SMARCC2: variants seen among roughly 807,000 people sequenced by gnomAD.
SMARCC2 encodes SWI/SNF complex subunit SMARCC2.
A neutral mutation model predicts 151.3 loss-of-function variants in SMARCC2; 15 were observed. That is an observed-to-expected ratio of 0.10 (90% CI 0.07 to 0.15). The LOEUF (loss-of-function observed/expected upper bound fraction) is 0.15. Ranked by LOEUF, SMARCC2 falls within the 10% of genes least tolerant of loss-of-function variation. The pLI is 1.00. For synonymous variants in SMARCC2, 590 were observed against 609.5 expected, an observed-to-expected ratio of 0.97 and a Z score of 0.47; for missense variants, 1,031 against 1,599.7, an observed-to-expected ratio of 0.64 and a Z score of 6.06.
At chr12:56,183,778 A>T (rs1876709135) in intron 7 of SMARCC2, 83 bp downstream of exon 7, 3 of 838,398 alleles carry the variant, frequency 3.6e-6, no homozygotes, top group African/African-American at 3.4e-5. Flanking sequence ...ACTCTGAAAG[A>T]GTGGCCTCTT....
chr12:56,186,698 G>A lies in SMARCC2; in HGVS notation c.232-458C>T, dbSNP rs573841154. The A allele has an allele frequency of 1.9e-4, 36 of 188,454 alleles. No individual in the cohort carries two copies. In the East Asian group the frequency reaches 5.0e-3, roughly 26 times the overall value. The allele number at this position is 188,454 out of a possible 1,614,324, so 11.7% of individuals were successfully genotyped here. A position where few individuals can be genotyped will look rare whatever the true frequency, so the allele number is the denominator to read the frequency against. ...TTGTGCCATTGCATCATGTGGCCTG[G>A]AAGAGGGGAGTGAAAGAAACCAACA... On this transcript the variant is annotated intron_variant, in intron 2 of 28. Coordinates refer to ENST00000550164, the MANE Select transcript of SMARCC2 (RefSeq NM_001330288.2).
At position 56,170,226 on chromosome 12, in the gene SMARCC2, G is replaced by T; in HGVS notation, c.2348-18C>A. The T allele has an allele frequency of 6.2e-7, 1 of 1,607,900 alleles. No individual in the cohort carries two copies. On this transcript the variant is annotated intron_variant, in intron 22 of 28. Coordinates refer to ENST00000550164, the MANE Select transcript of SMARCC2 (RefSeq NM_001330288.2). The stretch of plus-strand genomic sequence containing the variant: ...GCTCTCCTCTGGGCCCATGAGAAAA[G>T]AAAGAAAACAGGAAATGTTTAATAC...
At chr12:56,186,284 TAA>T (rs769156710) in intron 2 of SMARCC2, 44 bp from the exon 3 acceptor site, 2 of 1,183,184 alleles carry the variant, frequency 1.7e-6, no homozygotes, top group Non-Finnish European at 2.5e-6. Context: ...GGTTCCACTG[TAA>T]ATTCTCTCAT....
At chr12:56,186,649 C>T (rs1336895160) in intron 2 of SMARCC2, 1 of 208,856 alleles carries the variant, frequency 4.8e-6, no homozygotes, top group Non-Finnish European at 9.8e-6. Flanking sequence ...CACGCCCGGC[C>T]TCAAAGCTGA....
intron 6 of SMARCC2, 101 bp from the exon 7 acceptor site, chr12:56,184,031 G>A: frequency 9.4e-7 from 1 of 1,069,138 alleles, no homozygotes; most frequent in Non-Finnish European, 1.4e-6. Flanking sequence ...GTTGTAGCAG[G>A]GGACTTGGTA....
chr12:56,172,931 A>C lies in SMARCC2; in HGVS notation c.1743+6T>G. ...AGCAGCCCAGCAGGGTCTGCACCCC[A>C]CCTACCAGCTCTGGCTTGCCCTTAG... On this transcript the variant is annotated splice_donor_region_variant and intron_variant, in intron 18 of 28. Coordinates refer to ENST00000550164, the MANE Select transcript of SMARCC2 (RefSeq NM_001330288.2). The C allele has an allele frequency of 1.9e-6, 3 of 1,612,718 alleles. No individual in the cohort carries two copies. Among genetic ancestry groups the C allele is most frequent in the Non-Finnish European group, 2.5e-6 (3 of 1,179,896 alleles).
At chr12:56,186,975 A>C (rs1246500145) in intron 2 of SMARCC2, 3 of 469,752 alleles carry the variant, frequency 6.4e-6, no homozygotes, top group Non-Finnish European at 1.2e-5. Flanking sequence ...ACTCTGAAAT[A>C]ATTTGTTGCA....
rs1873875374 is a variant in SMARCC2, at chr12:56,171,134, TGGGGAAAA to T, written c.2347+129_2347+136del. 8.8e-6 allele frequency: 7 copies of T among 792,780 alleles called. No individual in the cohort carries two copies. The East Asian group carries it at 1.8e-4, about 21-fold the overall frequency. The allele number at this position is 792,780 out of a possible 1,614,324, so 49.1% of individuals were successfully genotyped here. A position where few individuals can be genotyped will look rare whatever the true frequency, so the allele number is the denominator to read the frequency against. ...CTCCAGAGCCCCTGAGGTAAACTCATGGGGAAAATAAAAACCCTACCAATGTTCTCATT... is the reference window on the plus strand; with the variant it reads ...CTCCAGAGCCCCTGAGGTAAACTCATTAAAAACCCTACCAATGTTCTCATT... On this transcript the variant is annotated intron_variant, in intron 22 of 28. Coordinates refer to ENST00000550164, the MANE Select transcript of SMARCC2 (RefSeq NM_001330288.2). The surrounding 1 kb of genome is among the most constrained non-coding windows in gnomAD (Gnocchi z 4.2).
intron 15 of SMARCC2, among the ~76,000 whole-genome samples, chr12:56,176,389 A>AC (rs770505163): frequency 1.3e-5 from 2 of 152,194 alleles, no homozygotes; most frequent in African/African-American, 2.4e-5. Context: ...AGTCTCACCC[A>AC]CCTCATCAAT....
chr12:56,184,153 G>A, intron 6 of SMARCC2, 22 bp downstream of exon 6: 4 of 1,589,032 alleles, frequency 2.5e-6, no homozygotes, highest in Non-Finnish European at 3.5e-6. Flanking sequence ...CACTCAAGTG[G>A]ACAGGAAAAC....
Position 56,187,737 on chromosome 12 carries a change from TA to T in SMARCC2, c.112-432del, listed in dbSNP as rs1376863782. Among the ~76,000 whole-genome samples the T allele has an allele frequency of 6.6e-5, 10 of 152,262 alleles. No individual in the cohort carries two copies. In the East Asian group the frequency reaches 1.7e-3, roughly 26 times the overall value. ...CTCTGTAAAGCCATGATTCCCCCTA[TA>T]ATGTAGCCTAACAAGAAAAGGTACA... On this transcript the variant is annotated intron_variant, in intron 1 of 28. Transcript: ENST00000550164.
At chr12:56,173,917 T>TG (rs754041576) in intron 16 of SMARCC2, 68 bp from the exon 17 acceptor site, 551 of 1,480,684 alleles carry the variant, frequency 3.7e-4, no homozygotes, top group Middle Eastern at 7.1e-4. Flanking sequence ...AGAGGAAAAG[T>TG]GGGGGGTAGA....
intron 11 of SMARCC2, among the ~76,000 whole-genome samples, chr12:56,179,336 A>T (rs1393450447): frequency 6.6e-6 from 1 of 152,192 alleles, no homozygotes; most frequent in Non-Finnish European, 1.5e-5. Flanking sequence ...TAAGCTTTTA[A>T]TGGTCTGATA....
rs748058395 is a variant in SMARCC2, at chr12:56,168,207, G to C, written c.2716-13C>G. The C allele has an allele frequency of 6.2e-7, 1 of 1,613,968 alleles. No individual in the cohort carries two copies. The highest frequency in any genetic ancestry group is 1.1e-5 in the South Asian group (1 of 91,072). On this transcript the variant is annotated splice_polypyrimidine_tract_variant and intron_variant, in intron 25 of 28. Transcript: ENST00000550164. ...CAGCAGCCAAGTGCTAGGGAAGGAG[G>C]GGCGAGACAGCACATCAGTGGGAGG...
chr12:56,172,889 C>A (rs1253465059), intron 18 of SMARCC2, 48 bp downstream of exon 18: 1 of 1,599,562 alleles, frequency 6.3e-7, no homozygotes, highest in Non-Finnish European at 8.5e-7. Flanking sequence ...AGGGGCCCCC[C>A]AATAAAGGGG....
At chr12:56,180,208 A>G (rs1875893947) in intron 11 of SMARCC2, among the ~76,000 whole-genome samples, 1 of 150,944 alleles carries the variant, frequency 6.6e-6, no homozygotes, top group African/African-American at 2.4e-5. Flanking sequence ...TCCCAGGTTC[A>G]CGCCATTCTC....
Position 56,169,694 on chromosome 12 carries a change from G to A in SMARCC2, c.2550C>T (p.Val850=), listed in dbSNP as rs781135400. Residue 850 remains valine (V), a splice_region_variant and synonymous_variant, in exon 25 of 29, where the codon GTC becomes GTT. Transcript: ENST00000550164. ...TTGGCTCCTTCTCCTTCTCAGGATC[G>A]ACTGGGCCAGGACAAGGGTTGAGTT... is the stretch of plus-strand genomic sequence containing the variant. ...ESEKSDGDPI[V]DPEKEKEPKE... is the part of the protein sequence containing the mutation. 7 of 1,613,836 alleles carry A rather than the reference G, an allele frequency of 4.3e-6. No individual in the cohort carries two copies. In the East Asian group the frequency reaches 6.7e-5, roughly 15 times the overall value.
rs1184007629 is a variant in SMARCC2 at position 56,172,155 on chromosome 12, C to T, written c.1927-218G>A. 7.1e-6 allele frequency: 4 copies of T among 566,022 alleles called. No individual in the cohort carries two copies. In the East Asian group the frequency reaches 1.2e-4, roughly 17 times the overall value. 35.1% of individuals were successfully genotyped at this position (566,022 alleles called of 1,614,324 possible). A position where few individuals can be genotyped will look rare whatever the true frequency, so the allele number is the denominator to read the frequency against. On this transcript the variant is annotated intron_variant, in intron 20 of 28. Coordinates refer to ENST00000550164, the MANE Select transcript of SMARCC2 (RefSeq NM_001330288.2). The stretch of plus-strand genomic sequence containing the variant: ...CCAGCCTGGAGCTGGTCCTGAAGCT[C>T]ACTGGAGCCTTGACCTCCTAGGCTC...
At chr12:56,182,977 G>A (rs1411480271) in intron 7 of SMARCC2, among the ~76,000 whole-genome samples, 1 of 150,460 alleles carries the variant, frequency 6.6e-6, no homozygotes, top group Non-Finnish European at 1.5e-5. Flanking sequence ...AGGACTACAG[G>A]TGCATGCCAC....
Sources: allele counts gnomAD v4.1 joint callset (sites outside exome capture counted in the v4.1 genomes callset), GRCh38; gene constraint gnomAD v4.1.1; non-coding constraint Gnocchi (gnomAD v3.1); transcripts MANE v1.5; gene names NCBI Gene and HGNC (gene_info 2026-07-23, HGNC 2026-07-21).